The following XKR4 variants were observed in gnomAD, a reference collection of about 807,000 sequenced individuals.
XKR4 encodes XK related 4, also known as XK-related protein 4.
Under a neutral mutation model 53.9 loss-of-function variants are expected in XKR4, and 12 were observed. That is an observed-to-expected ratio of 0.22 (90% CI 0.14 to 0.36). XKR4 has a LOEUF of 0.36. XKR4 is among the 10% of genes least tolerant of loss of function. The pLI is 1.00. For synonymous variants in XKR4, 354 were observed against 362.4 expected (o/e 0.98, Z 0.26); for missense variants, 799 against 859.5 (o/e 0.93, Z 0.88).
chr8:55,430,038 T>C (rs1187884987), intron 2 of XKR4, among the ~76,000 whole-genome samples: 1 of 152,202 alleles, frequency 6.6e-6, no homozygotes, highest in Non-Finnish European at 1.5e-5. Context: ...TATGAAAAGA[T>C]GCTCCAAAAT....
intron 2 of XKR4, among the ~76,000 whole-genome samples, chr8:55,427,253 T>G (rs1262610715): frequency 6.6e-6 from 1 of 152,222 alleles, no homozygotes; most frequent in Non-Finnish European, 1.5e-5. Flanking sequence ...GTATATTAGA[T>G]GATTATTCCC....
intron 1 of XKR4, among the ~76,000 whole-genome samples, chr8:55,253,731 C>CTTTT (rs67608017): frequency 4.0e-4 from 46 of 113,690 alleles, no homozygotes; most frequent in Non-Finnish European, 5.9e-4. Flanking sequence ...ATTTTCTTTT[C>CTTTT]TTTTTTTTTT....
chr8:55,376,426 T>G (rs929821732), intron 2 of XKR4, among the ~76,000 whole-genome samples: 5 of 152,212 alleles, frequency 3.3e-5, no homozygotes, highest in African/African-American at 1.2e-4. Flanking sequence ...TCATTCTGAT[T>G]GGCATGAGAT....
intron 2 of XKR4, among the ~76,000 whole-genome samples, chr8:55,466,665 T>A (rs991388200): frequency 6.6e-6 from 1 of 152,104 alleles, no homozygotes; most frequent in African/African-American, 2.4e-5. Context: ...TAAGCACATT[T>A]CTTTACCATC....
chr8:55,367,313 A>T (rs1398196816), intron 2 of XKR4, among the ~76,000 whole-genome samples: 1 of 152,160 alleles, frequency 6.6e-6, no homozygotes. Flanking sequence ...ACTGTAACCC[A>T]TTCATTTCAT....
Position 55,535,341 on chromosome 8 carries a change from G to C in XKR4, c.*11114G>C, listed in dbSNP as rs1010328270. 2.7e-5 allele frequency: 4 copies of C among 150,766 alleles called. No homozygotes were observed. Among genetic ancestry groups the C allele is most frequent in the Admixed American group, 6.6e-5 (1 of 15,118 alleles). The allele number at this position is 150,766 out of a possible 1,614,324, so 9.3% of individuals were successfully genotyped here. On this transcript the variant is annotated 3_prime_UTR_variant, in exon 3 of 3. Coordinates refer to ENST00000327381, the MANE Select transcript of XKR4 (RefSeq NM_052898.2). ...GCTGTACCTATTAACTCGTCATTTAGCATCAGGTATATCTCCTAATGCTAT... is the reference window on the plus strand; with the variant it reads ...GCTGTACCTATTAACTCGTCATTTACCATCAGGTATATCTCCTAATGCTAT...
Position 55,495,231 on chromosome 8 carries a change from G to C in XKR4, c.1007-28050G>C, listed in dbSNP as rs971066797. On this transcript the variant is annotated intron_variant, in intron 2 of 2. Transcript: ENST00000327381. ...GATTGGAGTGGGCACTGACCACAGG[G>C]AGAAGCCAGGCAGTGAGAGCAGGTG... Among the ~76,000 whole-genome samples, 3 of 152,206 alleles carry C rather than the reference G, an allele frequency of 2.0e-5. No homozygotes were observed. The East Asian group carries it at 5.8e-4, about 29-fold the overall frequency.
At position 55,173,785 on chromosome 8, in the gene XKR4, C is replaced by G. The variant is rs545063410; in HGVS notation, c.806+70491C>G. On this transcript the variant is annotated intron_variant, in intron 1 of 2. Coordinates refer to ENST00000327381, the MANE Select transcript of XKR4 (RefSeq NM_052898.2). ...TGCATTTCTTACTTATCTCCAGCAT[C>G]AAAGGAATTTGAACAATTTGGCTGG... 1.1e-4 allele frequency among the ~76,000 whole-genome samples: 16 copies of G among 152,308 alleles called. No individual in the cohort carries two copies. The South Asian group carries it at 2.7e-3, about 26-fold the overall frequency.
chr8:55,251,734 G>C (rs16919953), intron 1 of XKR4, among the ~76,000 whole-genome samples: 76,280 of 152,000 alleles, frequency 0.5, 21,980 homozygotes, highest in Non-Finnish European at 0.66. Context: ...TACCGTTGTC[G>C]CTTATGCCTC....
rs1182967558 is a variant in XKR4, at chr8:55,485,871, T to C, written c.1007-37410T>C. 5.9e-5 allele frequency among the ~76,000 whole-genome samples: 9 copies of C among 152,150 alleles called. No individual in the cohort carries two copies. In the East Asian group the frequency reaches 1.5e-3, roughly 26 times the overall value. ...GGATTGGAAAAACCAGTGCTGATCA[T>C]AATCTCAAAAGACTCAATCTGAATG... On this transcript the variant is annotated intron_variant, in intron 2 of 2. Transcript: ENST00000327381.
chr8:55,482,063 T>C (rs1162457186), intron 2 of XKR4, among the ~76,000 whole-genome samples: 2 of 152,190 alleles, frequency 1.3e-5, no homozygotes, highest in Non-Finnish European at 2.9e-5. Context: ...CCCAAAGGAT[T>C]ATAAATCATG....
chr8:55,463,633 A>C (rs1805701037), intron 2 of XKR4, among the ~76,000 whole-genome samples: 1 of 152,144 alleles, frequency 6.6e-6, no homozygotes, highest in Admixed American at 6.5e-5. Flanking sequence ...ATCAGAGCAG[A>C]ACTGAAGGAA....
At chr8:55,427,328 A>G (rs1327901505) in intron 2 of XKR4, among the ~76,000 whole-genome samples, 3 of 152,210 alleles carry the variant, frequency 2.0e-5, no homozygotes, top group South Asian at 4.1e-4. Context: ...CTGGGTGAGT[A>G]TGTCAAAGTT....
chr8:55,306,539 C>G (rs990375280), intron 1 of XKR4, among the ~76,000 whole-genome samples: 1 of 152,168 alleles, frequency 6.6e-6, no homozygotes, highest in Non-Finnish European at 1.5e-5. Context: ...AGGAACAAGT[C>G]ACATCACATG....
intron 1 of XKR4, among the ~76,000 whole-genome samples, chr8:55,137,241 A>T (rs1237732503): frequency 6.6e-6 from 1 of 152,088 alleles, no homozygotes; most frequent in Middle Eastern, 3.2e-3. Context: ...GGATGTGAGT[A>T]GAGAGAGGAG....
At chr8:55,228,919 T>C (rs1817993183) in intron 1 of XKR4, among the ~76,000 whole-genome samples, 1 of 152,080 alleles carries the variant, frequency 6.6e-6, no homozygotes, top group Non-Finnish European at 1.5e-5. Context: ...GATTAGGGAA[T>C]TTATTAAAAG....
chr8:55,507,560 T>C lies in XKR4; in HGVS notation c.1007-15721T>C, dbSNP rs537169975. ...TGCTCCCCTTCCTGTGTCCATGTGT[T>C]ATTGTTCAATTCCCACCTATGAGTG... On this transcript the variant is annotated intron_variant, in intron 2 of 2. Coordinates refer to ENST00000327381, the MANE Select transcript of XKR4 (RefSeq NM_052898.2). Among the ~76,000 whole-genome samples the C allele has an allele frequency of 3.3e-5, 5 of 152,182 alleles. No individual in the cohort carries two copies. The South Asian group carries it at 1.0e-3, about 32-fold the overall frequency.
intron 1 of XKR4, among the ~76,000 whole-genome samples, chr8:55,113,384 G>C (rs1421833391): frequency 6.6e-6 from 1 of 152,174 alleles, no homozygotes; most frequent in African/African-American, 2.4e-5. Flanking sequence ...CAATCAGAGA[G>C]CAGATTTTCA....
chr8:55,228,580 A>G (rs1238673817), intron 1 of XKR4, among the ~76,000 whole-genome samples: 1 of 147,036 alleles, frequency 6.8e-6, no homozygotes, highest in Non-Finnish European at 1.5e-5. Context: ...CCCCACAAAG[A>G]AAAAAAAAAT....
Sources: gnomAD v4.1 joint callset for allele counts (sites outside exome capture counted in the v4.1 genomes callset) on GRCh38, gnomAD v4.1.1 for gene constraint, MANE v1.5 for transcripts, NCBI Gene and HGNC (gene_info 2026-07-23, HGNC 2026-07-21) for gene names.